The following PRDM11 variants were observed in gnomAD, a reference collection of about 807,000 sequenced individuals.
PRDM11 encodes PR domain-containing protein 11.
PRDM11 carries 20 observed loss-of-function variants against 97.8 expected under a neutral mutation model. The ratio of observed to expected loss-of-function variants is 0.20; its 90% CI spans 0.14 to 0.30. The LOEUF is 0.30. Ranked by LOEUF, PRDM11 falls within the 10% of genes least tolerant of loss-of-function variation. PRDM11 has a pLI of 1.00. For missense variants in PRDM11, 1,139 were observed against 1,555.2 expected (o/e 0.73, Z 4.50); for synonymous variants, 599 against 637.7 (o/e 0.94, Z 0.91).
intron 4 of PRDM11, among the ~76,000 whole-genome samples, chr11:45,200,344 C>A (rs1386450925): frequency 1.3e-5 from 2 of 152,204 alleles, no homozygotes; most frequent in African/African-American, 2.4e-5. Context: ...CCCACCACCC[C>A]AAATTAGTAA....
chr11:45,219,534 G>A lies in PRDM11; in HGVS notation c.555-36G>A. 5.1e-6 allele frequency: 8 copies of A among 1,572,154 alleles called. No individual in the cohort carries two copies. Among genetic ancestry groups the A allele is most frequent in the Non-Finnish European group, 7.0e-6 (8 of 1,148,260 alleles). Reference sequence around the variant, plus strand: ...ACCAGCGGGCACTCAACAAAGGGTGGCCCGTGCGTTCTCACCTGTCTCCCC... The same window carrying A: ...ACCAGCGGGCACTCAACAAAGGGTGACCCGTGCGTTCTCACCTGTCTCCCC... On this transcript the variant is annotated intron_variant, in intron 5 of 7. Transcript: ENST00000683152. The surrounding 1 kb of genome is among the most constrained non-coding windows in gnomAD (Gnocchi z 4.2).
At chr11:45,177,735 A>G (rs755319102) in intron 1 of PRDM11, among the ~76,000 whole-genome samples, 5 of 152,360 alleles carry the variant, frequency 3.3e-5, no homozygotes, top group Admixed American at 2.0e-4. Context: ...TAGGTGTCAG[A>G]TAATAAGGAC....
At chr11:45,127,400 A>G (rs1000707658) in intron 1 of PRDM11, among the ~76,000 whole-genome samples, 1 of 152,130 alleles carries the variant, frequency 6.6e-6, no homozygotes, top group African/African-American at 2.4e-5. Context: ...CCTTTGGAGG[A>G]GGAGAGGCGC....
At chr11:45,209,315 C>G (rs958866956) in intron 5 of PRDM11, 4 of 354,826 alleles carry the variant, frequency 1.1e-5, no homozygotes, top group Non-Finnish European at 2.3e-5. Flanking sequence ...ACCAGTCCCC[C>G]CCGCCACCCA....
At chr11:45,138,034 T>G in intron 1 of PRDM11, among the ~76,000 whole-genome samples, 1 of 152,272 alleles carries the variant, frequency 6.6e-6, no homozygotes, top group East Asian at 1.9e-4. Context: ...AAACACAGCT[T>G]CACCCTCCAG....
At chr11:45,099,794 A>T (rs147720559) in intron 1 of PRDM11, among the ~76,000 whole-genome samples, 60 of 152,360 alleles carry the variant, frequency 3.9e-4, no homozygotes, top group African/African-American at 1.3e-3. Context: ...TGTGCTATCA[A>T]ATAGTAGGTC....
chr11:45,227,049 G>A lies in PRDM11; in HGVS notation c.2424G>A (p.Thr808=), dbSNP rs1461156008. The change falls in exon 8 of 8, where the codon ACG becomes ACA. Residue 808 remains threonine (T), a synonymous_variant. Coordinates refer to ENST00000683152, the MANE Select transcript of PRDM11 (RefSeq NM_001384648.1). This position sits in a 1 kb window ranked among gnomAD's most constrained non-coding sequence, Gnocchi z 8.0. ...SPRLMCELRS[T]AATLCEETEF... The stretch of plus-strand genomic sequence containing the variant: ...GCCTCATGTGCGAGCTGCGGTCCAC[G>A]GCGGCCACCCTTTGTGAGGAGACAG... 15 of 1,533,806 alleles carry A rather than the reference G, an allele frequency of 9.8e-6. No individual in the cohort carries two copies. The East Asian group carries it at 2.7e-4, about 27-fold the overall frequency.
At chr11:45,214,116 G>A (rs1590460536) in intron 5 of PRDM11, 1 of 206,898 alleles carries the variant, frequency 4.8e-6, no homozygotes, top group Middle Eastern at 2.0e-3. Flanking sequence ...AGAATCCAGA[G>A]CCCAGTGGGG....
At chr11:45,121,087 A>G (rs1384846678) in intron 1 of PRDM11, among the ~76,000 whole-genome samples, 1 of 152,214 alleles carries the variant, frequency 6.6e-6, no homozygotes, top group Non-Finnish European at 1.5e-5. Flanking sequence ...CAAGAAAGGC[A>G]GGAAAGGAGG....
chr11:45,126,803 C>A (rs556873535), intron 1 of PRDM11, among the ~76,000 whole-genome samples: 3,200 of 152,196 alleles, frequency 0.021, 106 homozygotes, highest in African/African-American at 0.072. Context: ...GTGAATCTGA[C>A]AATTATGTGT....
At chr11:45,094,963 CAGA>C (rs550404075), upstream of PRDM11, among the ~76,000 whole-genome samples, 18 of 152,164 alleles carry the variant, frequency 1.2e-4, no homozygotes, top group African/African-American at 3.9e-4. Flanking sequence ...CAGTACCTGG[CAGA>C]AGGAGATAAA....
In PRDM11 at chr11:45,195,137, G is replaced by A. The variant is rs139938156; in HGVS notation, c.487-9574G>A. ...TGTTCAAGCATAGGATATGTAGGAC[G>A]TAAGATCGTTCCCTTCTCCTTGTTT... On this transcript the variant is annotated intron_variant, in intron 4 of 7. Transcript: ENST00000683152. Among the ~76,000 whole-genome samples, 498 of 152,198 alleles carry A rather than the reference G, an allele frequency of 3.3e-3. 1 individual carries two copies. Among genetic ancestry groups the A allele is most frequent in the Non-Finnish European group, 5.8e-3 (393 of 68,010 alleles).
chr11:45,095,665 C>T (rs972827221), upstream of PRDM11: 5 of 612,746 alleles, frequency 8.2e-6, no homozygotes, highest in Non-Finnish European at 1.5e-5. Flanking sequence ...AATAGAACTG[C>T]AACCCCTGGG....
chr11:45,198,995 AAT>A (rs762219175), intron 4 of PRDM11, among the ~76,000 whole-genome samples: 12 of 151,804 alleles, frequency 7.9e-5, no homozygotes, highest in Admixed American at 4.6e-4. Flanking sequence ...TGTGAGAATT[AAT>A]AGTGTGTCAA....
At chr11:45,197,026 A>C (rs1206255462) in intron 4 of PRDM11, among the ~76,000 whole-genome samples, 1 of 149,130 alleles carries the variant, frequency 6.7e-6, no homozygotes, top group African/African-American at 2.6e-5. Flanking sequence ...AGCCAGCTTT[A>C]GTATCCACAG....
intron 1 of PRDM11, among the ~76,000 whole-genome samples, chr11:45,166,051 C>A (rs1852056224): frequency 6.6e-6 from 1 of 152,224 alleles, no homozygotes; most frequent in African/African-American, 2.4e-5. Context: ...AAACTGCTTA[C>A]TAGGTTGTGG....
intron 4 of PRDM11, among the ~76,000 whole-genome samples, chr11:45,184,318 T>G (rs1324256563): frequency 6.6e-6 from 1 of 151,900 alleles, no homozygotes; most frequent in African/African-American, 2.4e-5. Context: ...AATGTAGGAG[T>G]TGGGGGAGTG....
At chr11:45,107,161 G>A (rs1852076178) in intron 1 of PRDM11, among the ~76,000 whole-genome samples, 1 of 152,170 alleles carries the variant, frequency 6.6e-6, no homozygotes, top group Non-Finnish European at 1.5e-5. Context: ...TGCCACGTTA[G>A]CACACCAGGG....
At chr11:45,213,779 C>T (rs1230157716) in intron 5 of PRDM11, 2 of 450,080 alleles carry the variant, frequency 4.4e-6, no homozygotes, top group Non-Finnish European at 9.0e-6. Context: ...CTGTATAAGA[C>T]AAATGACACA....
Sources: gnomAD v4.1 joint callset for allele counts (sites outside exome capture counted in the v4.1 genomes callset) on GRCh38, gnomAD v4.1.1 for gene constraint, Gnocchi (gnomAD v3.1) non-coding constraint, MANE v1.5 for transcripts, NCBI Gene and HGNC (gene_info 2026-07-23, HGNC 2026-07-21) for gene names.